UBE2V2: variants seen among roughly 807,000 people sequenced by gnomAD.
UBE2V2 encodes the protein ubiquitin-conjugating enzyme E2 variant 2.
In UBE2V2, 9 loss-of-function variants were observed where a neutral mutation model predicts 17.2. That is an observed-to-expected ratio of 0.52 (90% CI 0.32 to 0.91). The LOEUF (loss-of-function observed/expected upper bound fraction) is 0.91, where lower values mean the gene tolerates loss of function less well. UBE2V2 is among the 40% of genes least tolerant of loss of function. The pLI, the probability that UBE2V2 is intolerant of heterozygous loss-of-function variation, is 0.04. For missense variants in UBE2V2, 133 were observed against 182.6 expected, an observed-to-expected ratio of 0.73 and a Z score of 1.56; for synonymous variants, 61 against 57.5, an observed-to-expected ratio of 1.06 and a Z score of -0.28.
chr8:48,034,128 C>T (rs4873775), intron 1 of UBE2V2, among the ~76,000 whole-genome samples: 8 of 136,302 alleles, frequency 5.9e-5, no homozygotes, highest in African/African-American at 1.5e-4. Flanking sequence ...TTTTCTTTTC[C>T]TTTTTTTTTT....
chr8:48,030,949 G>T lies in UBE2V2; in HGVS notation c.17-12084G>T, dbSNP rs192025918. 1.5e-4 allele frequency among the ~76,000 whole-genome samples: 23 copies of T among 152,344 alleles called. 1 individual carries two copies. The highest frequency in any genetic ancestry group is 5.0e-4 in the African/African-American group (21 of 41,588). ...AGGCGGGAGAATCTCTTGAACCTGG[G>T]AAGTGGAGGTTGCAGTGAGCTGAGA... On this transcript the variant is annotated intron_variant, in intron 1 of 3. Coordinates refer to ENST00000523111, the MANE Select transcript of UBE2V2 (RefSeq NM_003350.3).
chr8:48,025,731 C>A (rs1165477995), intron 1 of UBE2V2, among the ~76,000 whole-genome samples: 7 of 151,922 alleles, frequency 4.6e-5, no homozygotes, highest in Admixed American at 4.6e-4. Flanking sequence ...TTCCGAGTAG[C>A]TGGGACTATA....
intron 1 of UBE2V2, among the ~76,000 whole-genome samples, chr8:48,021,388 G>C (rs1203823021): frequency 2.8e-5 from 4 of 143,368 alleles, no homozygotes; most frequent in African/African-American, 1.0e-4. Flanking sequence ...CTCACTGTAA[G>C]CTCTGCCTCC....
intron 2 of UBE2V2, 127 bp from the exon 3 acceptor site, chr8:48,049,726 A>T: frequency 1.3e-6 from 1 of 798,678 alleles, no homozygotes; most frequent in Non-Finnish European, 1.8e-6. Flanking sequence ...TAGAAAAATA[A>T]ATTCTTAATC....
intron 3 of UBE2V2, among the ~76,000 whole-genome samples, chr8:48,056,592 A>T (rs562240287): frequency 6.6e-6 from 1 of 152,304 alleles, no homozygotes; most frequent in Non-Finnish European, 1.5e-5. Context: ...GGGTTTCGTC[A>T]TCTTGGCCAG....
upstream of UBE2V2, among the ~76,000 whole-genome samples, chr8:48,004,529 TG>T (rs1399043874): frequency 1.3e-4 from 19 of 150,350 alleles, no homozygotes; most frequent in Middle Eastern, 3.5e-3. Context: ...TTTTTTGTTT[TG>T]TTTTTTTGTT....
intron 1 of UBE2V2, among the ~76,000 whole-genome samples, chr8:48,035,629 T>TGTGTGTGTG (rs1554657532): frequency 2.2e-5 from 3 of 133,338 alleles, no homozygotes; most frequent in African/African-American, 8.2e-5. Flanking sequence ...GTTTTTTTTT[T>TGTGTGTGTG]TTTGTGTGTG....
intron 1 of UBE2V2, among the ~76,000 whole-genome samples, chr8:48,017,204 A>G (rs2091275148): frequency 6.6e-6 from 1 of 151,406 alleles, no homozygotes; most frequent in Non-Finnish European, 1.5e-5. Flanking sequence ...TTTTTCATAT[A>G]CCTCTTGGCC....
rs1485850907 is a variant in UBE2V2, at chr8:48,062,551, C to G, written c.*1723C>G. 6.9e-6 allele frequency: 1 copy of G among 144,880 alleles called. No individual in the cohort carries two copies. Among genetic ancestry groups the G allele is most frequent in the Non-Finnish European group, 1.5e-5 (1 of 67,238 alleles). The allele number at this position is 144,880 out of a possible 1,614,324, so 9.0% of individuals were successfully genotyped here. On this transcript the variant is annotated 3_prime_UTR_variant, in exon 4 of 4. Coordinates refer to ENST00000523111, the MANE Select transcript of UBE2V2 (RefSeq NM_003350.3). The stretch of plus-strand genomic sequence containing the variant: ...AGGTTGCAGTGCCGAGAGCGCACCA[C>G]TGCTCCAGCCTGGGCAACAGAGCAA...
intron 1 of UBE2V2, chr8:48,041,684 TACTTTC>T (rs1358011295): frequency 3.3e-5 from 5 of 152,202 alleles, no homozygotes; most frequent in Admixed American, 3.3e-4. Context: ...AAGGTAGGAA[TACTTTC>T]AATTTCAGAT....
intron 3 of UBE2V2, among the ~76,000 whole-genome samples, chr8:48,053,422 AT>A (rs1218371704): frequency 1.0e-3 from 143 of 136,546 alleles, no homozygotes; most frequent in Admixed American, 1.1e-3. Context: ...AGATCTTTTA[AT>A]TTTTTTTTTT....
the UBE2V2 span, among the ~76,000 whole-genome samples, chr8:47,999,367 T>G: frequency 3.3e-5 from 5 of 152,054 alleles, no homozygotes; most frequent in Non-Finnish European, 5.9e-5. Context: ...TTCCCCTTTT[T>G]TTTTTTTTGA....
chr8:48,027,482 G>A (rs560964640), intron 1 of UBE2V2, among the ~76,000 whole-genome samples: 1 of 152,190 alleles, frequency 6.6e-6, no homozygotes, highest in Non-Finnish European at 1.5e-5. Flanking sequence ...ATCTTTTCAT[G>A]TGCTTACTAG....
intron 1 of UBE2V2, among the ~76,000 whole-genome samples, chr8:48,040,043 T>C (rs1369546868): frequency 6.7e-6 from 1 of 149,956 alleles, no homozygotes; most frequent in Non-Finnish European, 1.5e-5. Context: ...TTTTCTACTT[T>C]TTTTTTTTTT....
the UBE2V2 span, among the ~76,000 whole-genome samples, chr8:48,000,294 G>A: frequency 6.6e-6 from 1 of 152,190 alleles, no homozygotes; most frequent in Non-Finnish European, 1.5e-5. Flanking sequence ...GACATGTGTG[G>A]CTAAGATGGT....
intron 1 of UBE2V2, among the ~76,000 whole-genome samples, chr8:48,009,604 T>C (rs909243218): frequency 5.9e-5 from 9 of 152,170 alleles, no homozygotes; most frequent in African/African-American, 2.2e-4. Context: ...AACAAGAGTA[T>C]AGAGCAGTGT....
intron 1 of UBE2V2, among the ~76,000 whole-genome samples, chr8:48,035,883 T>C (rs2091421235): frequency 6.7e-6 from 1 of 149,600 alleles, no homozygotes; most frequent in Non-Finnish European, 1.5e-5. Flanking sequence ...AGAGTGACAC[T>C]CCGTCTCAAA....
chr8:48,036,998 G>A (rs2091429307), intron 1 of UBE2V2, among the ~76,000 whole-genome samples: 1 of 152,044 alleles, frequency 6.6e-6, no homozygotes, highest in South Asian at 2.1e-4. Context: ...GGCCAACATG[G>A]CGAAACCCCG....
the UBE2V2 span, among the ~76,000 whole-genome samples, chr8:48,001,726 G>C: frequency 2.2e-4 from 34 of 152,308 alleles, no homozygotes; most frequent in African/African-American, 8.2e-4. Context: ...CATCTGAAAA[G>C]AGCTTAATAT....
Sources: gnomAD v4.1 joint callset for allele counts (sites outside exome capture counted in the v4.1 genomes callset) on GRCh38, gnomAD v4.1.1 for gene constraint, MANE v1.5 for transcripts, NCBI Gene and HGNC (gene_info 2026-07-23, HGNC 2026-07-21) for gene names.